Variants in DYM observed in about 807,000 individuals in gnomAD.
DYM encodes the protein dyggve-Melchior-Clausen syndrome protein.
In DYM, 78 loss-of-function variants were observed where a neutral mutation model predicts 93.1. The ratio of observed to expected loss-of-function variants is 0.84; its 90% CI spans 0.70 to 1.01. DYM has a LOEUF of 1.01. DYM is among the 50% of genes least tolerant of loss of function. The pLI is 0.00. For missense variants in DYM, 789 were observed against 845.0 expected, an observed-to-expected ratio of 0.93 and a Z score of 0.82; for synonymous variants, 321 against 319.7, an observed-to-expected ratio of 1.00 and a Z score of -0.04.
intron 13 of DYM, among the ~76,000 whole-genome samples, chr18:49,210,933 C>T (rs112284432): frequency 0.01 from 1,567 of 152,222 alleles, 24 homozygotes; most frequent in African/African-American, 0.036. Context: ...ACATAAAATA[C>T]GCCTTGGTAG....
In DYM at chr18:49,272,202, G is replaced by A. The variant is rs1381942495; in HGVS notation, c.1227C>T (p.Gly409=). The stretch of plus-strand genomic sequence containing the variant: ...CCACTTCATGAATGGATCTGTTGAA[G>A]CCATCATCTTCCGTAAGGATCAACA... ...IILLILTEDD[G]FNRSIHEVIL... Residue 409 remains glycine (G), a synonymous_variant, in exon 11 of 18, where the codon GGC becomes GGT. Transcript: ENST00000675505. 1 of 1,612,118 alleles carries A rather than the reference G, an allele frequency of 6.2e-7. No individual in the cohort carries two copies. The highest frequency in any genetic ancestry group is 8.5e-7 in the Non-Finnish European group (1 of 1,178,516).
intron 14 of DYM, among the ~76,000 whole-genome samples, chr18:49,203,177 T>C (rs2092222822): frequency 1.4e-5 from 1 of 71,050 alleles, no homozygotes; most frequent in Admixed American, 1.4e-4. Context: ...GGGAGGGAGG[T>C]TGGGGGGTCA....
intron 3 of DYM, among the ~76,000 whole-genome samples, chr18:49,386,040 G>A (rs577371531): frequency 6.6e-5 from 10 of 152,070 alleles, no homozygotes; most frequent in South Asian, 4.1e-4. Context: ...TCTAACTCTC[G>A]GCCTCAAGCA....
At chr18:49,322,483 A>C (rs1461890901) in intron 8 of DYM, among the ~76,000 whole-genome samples, 3 of 152,112 alleles carry the variant, frequency 2.0e-5, no homozygotes, top group Non-Finnish European at 2.9e-5. Flanking sequence ...CAAAGTGGTA[A>C]GGACAGAATC....
chr18:49,415,321 C>CAA (rs71165393), intron 2 of DYM, among the ~76,000 whole-genome samples: 4,104 of 85,724 alleles, frequency 0.048, 286 homozygotes, highest in African/African-American at 0.15. Flanking sequence ...CTGGGTCTCT[C>CAA]AAAAAAAAAA....
chr18:49,066,786 A>G (rs1208427041), intron 17 of DYM, among the ~76,000 whole-genome samples: 1 of 151,824 alleles, frequency 6.6e-6, no homozygotes, highest in African/African-American at 2.4e-5. Context: ...ATCTTGCCCT[A>G]TATCAAACCT....
At chr18:49,070,230 T>G (rs547243068) in intron 17 of DYM, among the ~76,000 whole-genome samples, 1 of 152,222 alleles carries the variant, frequency 6.6e-6, no homozygotes, top group Non-Finnish European at 1.5e-5. Context: ...GAAACTAACA[T>G]TGGCTAACAG....
intron 9 of DYM, among the ~76,000 whole-genome samples, chr18:49,283,020 ATAAGTTGAAAATATTC>A (rs916067617): frequency 5.3e-5 from 8 of 152,334 alleles, no homozygotes; most frequent in African/African-American, 1.9e-4. Context: ...TAAATTAATC[ATAAGTTGAAAATATTC>A]TAAGTTGAAA....
chr18:49,157,392 C>A (rs1364718214), intron 15 of DYM, among the ~76,000 whole-genome samples: 1 of 152,170 alleles, frequency 6.6e-6, no homozygotes, highest in African/African-American at 2.4e-5. Flanking sequence ...TAATAGCTAA[C>A]CTTATCAAGC....
chr18:49,253,410 C>T (rs2094329446), intron 13 of DYM, among the ~76,000 whole-genome samples: 1 of 152,122 alleles, frequency 6.6e-6, no homozygotes, highest in Admixed American at 6.5e-5. Flanking sequence ...AATGAGTTTC[C>T]TCAAAGTACA....
chr18:49,192,570 T>C (rs1212278061), intron 14 of DYM, among the ~76,000 whole-genome samples: 1 of 152,220 alleles, frequency 6.6e-6, no homozygotes, highest in Admixed American at 6.5e-5. Flanking sequence ...TTGTTGAAGA[T>C]CAATTGACCA....
chr18:49,267,585 T>C (rs1441779484), intron 11 of DYM, among the ~76,000 whole-genome samples: 1 of 152,176 alleles, frequency 6.6e-6, no homozygotes, highest in Non-Finnish European at 1.5e-5. Context: ...ATAGAAATAT[T>C]CTATACCTTA....
chr18:49,254,321 T>C (rs970222891), intron 13 of DYM, among the ~76,000 whole-genome samples: 6 of 120,818 alleles, frequency 5.0e-5, no homozygotes, highest in African/African-American at 1.8e-4. Context: ...TATATATATA[T>C]ATATACACAC....
intron 15 of DYM, among the ~76,000 whole-genome samples, chr18:49,163,353 TA>T (rs542899934): frequency 1.3e-5 from 2 of 152,284 alleles, no homozygotes; most frequent in African/African-American, 4.8e-5. Context: ...ATTTATTTAT[TA>T]TTTTTTTGAG....
At chr18:49,153,594 T>C (rs969476294) in intron 15 of DYM, among the ~76,000 whole-genome samples, 11 of 152,088 alleles carry the variant, frequency 7.2e-5, no homozygotes, top group African/African-American at 2.7e-4. Context: ...TGGCCAAAGC[T>C]GGAACAATGT....
intron 2 of DYM, among the ~76,000 whole-genome samples, chr18:49,422,605 T>C (rs193048792): frequency 0.027 from 4,162 of 152,110 alleles, 110 homozygotes; most frequent in Non-Finnish European, 0.039. Flanking sequence ...GACTGGCAAA[T>C]TGGATAAACA....
At chr18:49,206,865 A>G (rs1178967492) in intron 14 of DYM, among the ~76,000 whole-genome samples, 1 of 152,198 alleles carries the variant, frequency 6.6e-6, no homozygotes, top group Non-Finnish European at 1.5e-5. Context: ...CCAAGTGGGT[A>G]AGGAAGGAGG....
chr18:49,074,761 A>G (rs1221843320), intron 17 of DYM, among the ~76,000 whole-genome samples: 1 of 152,246 alleles, frequency 6.6e-6, no homozygotes, highest in Non-Finnish European at 1.5e-5. Context: ...TAATCTGAAG[A>G]ACCGTTACTT....
intron 15 of DYM, among the ~76,000 whole-genome samples, chr18:49,158,205 C>A (rs2086661735): frequency 1.3e-5 from 2 of 152,218 alleles, no homozygotes; most frequent in South Asian, 4.1e-4. Flanking sequence ...TCTCTTCTGA[C>A]AACCCACAAG....
Sources: allele counts gnomAD v4.1 joint callset (sites outside exome capture counted in the v4.1 genomes callset), GRCh38; gene constraint gnomAD v4.1.1; transcripts MANE v1.5; gene names NCBI Gene and HGNC (gene_info 2026-07-23, HGNC 2026-07-21).